Variants in GC observed in about 807,000 individuals in gnomAD.
GC encodes GC vitamin D binding protein.
In GC, 43 loss-of-function variants were observed where a neutral mutation model predicts 56.7. That is an observed-to-expected ratio of 0.76 (90% CI 0.59 to 0.98). The LOEUF is 0.98. GC is among the 50% of genes least tolerant of loss of function. The probability of loss-of-function intolerance (pLI) is 0.00; values close to 1 mark genes in which losing one functional copy is unlikely to be tolerated. For missense variants in GC, 529 were observed against 545.9 expected (o/e 0.97, Z 0.31); for synonymous variants, 216 against 202.7 (o/e 1.07, Z -0.56).
intron 1 of GC, among the ~76,000 whole-genome samples, chr4:71,803,774 G>C (rs59662561): frequency 0.12 from 18,348 of 152,182 alleles, 1,554 homozygotes; most frequent in African/African-American, 0.24. Context: ...TGACAATCGA[G>C]AAATCACTTT....
At chr4:71,792,100 A>G (rs938867397) in intron 1 of GC, among the ~76,000 whole-genome samples, 3 of 152,150 alleles carry the variant, frequency 2.0e-5, no homozygotes, top group Non-Finnish European at 2.9e-5. Context: ...AGTCTTTGCT[A>G]TTGTGAATAG....
intron 7 of GC, among the ~76,000 whole-genome samples, chr4:71,757,461 AAT>A (rs1194141721): frequency 6.6e-6 from 1 of 151,636 alleles, no homozygotes; most frequent in Non-Finnish European, 1.5e-5. Context: ...TTCAAATTTA[AAT>A]AGTTTTAAAG....
chr4:71,796,477 G>A (rs147451846), intron 1 of GC, among the ~76,000 whole-genome samples: 19 of 152,178 alleles, frequency 1.2e-4, no homozygotes, highest in South Asian at 4.2e-4. Context: ...TTGTAGATGC[G>A]TCACAAAGTT....
intron 8 of GC, 81 bp downstream of exon 8, chr4:71,756,631 C>A: frequency 5.9e-6 from 5 of 847,472 alleles, no homozygotes; most frequent in African/African-American, 1.7e-5. Flanking sequence ...GATAGCATAC[C>A]TTCCCTCCAT....
rs559235182 is a variant in GC at position 71,793,517 on chromosome 4, CTT to C, written c.22-9465_22-9464del. On this transcript the variant is annotated intron_variant, in intron 1 of 13. Transcript: ENST00000504199. ...TATACATTGATTTTGTATCCTGAGA[CTT>C]TGCTGAAATTGCTTATCAGCTTCAG... is the stretch of plus-strand genomic sequence containing the variant. Among the ~76,000 whole-genome samples the C allele has an allele frequency of 2.5e-3, 386 of 152,316 alleles. 1 individual carries two copies. The highest frequency in any genetic ancestry group is 8.9e-3 in the African/African-American group (370 of 41,576).
At chr4:71,769,244 A>G in intron 2 of GC, 87 bp downstream of exon 2, 1 of 951,020 alleles carries the variant, frequency 1.1e-6, no homozygotes, top group Non-Finnish European at 1.7e-6. Flanking sequence ...ATTAAGGATT[A>G]ACCTCCATGC....
upstream of GC, chr4:71,784,389 G>A (rs975398105): frequency 4.3e-6 from 4 of 923,234 alleles, no homozygotes; most frequent in African/African-American, 5.3e-5. Flanking sequence ...TTCTCCCCCT[G>A]TATAGGGCTG....
In GC at chr4:71,758,109, G is replaced by A. The variant is rs1175015996; in HGVS notation, c.764C>T (p.Ala255Val). ...GGAGAGGATGTTAGTAATATCTTCA[G>A]CTAGTGGCAAAACATCCTCCAGATC... ...TADLEDVLPL[A>V]EDITNILSKC... The change falls in exon 7 of 13, where the codon GCT (alanine) becomes GTT (valine). Residue 255 changes from alanine to valine, a missense_variant. Coordinates refer to ENST00000273951, the MANE Select transcript of GC (RefSeq NM_000583.4). 6 of 1,612,886 alleles carry A rather than the reference G, an allele frequency of 3.7e-6. No individual in the cohort carries two copies. The Admixed American group carries it at 8.3e-5, about 22-fold the overall frequency.
At chr4:71,764,475 T>G (rs1742094905) in intron 4 of GC, among the ~76,000 whole-genome samples, 1 of 152,160 alleles carries the variant, frequency 6.6e-6, no homozygotes, top group Non-Finnish European at 1.5e-5. Context: ...GAGGGGCCAT[T>G]TGTCCCTTTA....
chr4:71,779,535 G>A (rs1215259298), intron 1 of GC, among the ~76,000 whole-genome samples: 1 of 151,720 alleles, frequency 6.6e-6, no homozygotes, highest in East Asian at 1.9e-4. Flanking sequence ...GGCCAGTGTG[G>A]TCAGATCAGA....
chr4:71,754,386 G>A (rs1289121462), intron 10 of GC, 25 bp downstream of exon 10: 3 of 1,031,454 alleles, frequency 2.9e-6, no homozygotes, highest in Non-Finnish European at 4.5e-6. Context: ...AAATTTGGAG[G>A]ATACAGCCAG....
chr4:71,754,908 T>G, intron 9 of GC, 70 bp downstream of exon 9: 1 of 1,064,630 alleles, frequency 9.4e-7, no homozygotes, highest in Non-Finnish European at 1.3e-6. Context: ...GTGAGCAAGT[T>G]TTGGCCCATG....
At chr4:71,796,613 T>C (rs1468891748) in intron 1 of GC, among the ~76,000 whole-genome samples, 1 of 152,200 alleles carries the variant, frequency 6.6e-6, no homozygotes, top group Admixed American at 6.5e-5. Flanking sequence ...TAGAACATGC[T>C]CCTTTAGTTT....
chr4:71,797,376 C>T (rs964816052), intron 1 of GC, among the ~76,000 whole-genome samples: 1 of 152,208 alleles, frequency 6.6e-6, no homozygotes, highest in Non-Finnish European at 1.5e-5. Context: ...CTTTGTTTAC[C>T]TACTCAAGCC....
chr4:71,793,946 G>A (rs1272643931), intron 1 of GC, among the ~76,000 whole-genome samples: 6 of 152,148 alleles, frequency 3.9e-5, no homozygotes, highest in African/African-American at 1.4e-4. Flanking sequence ...CTATTTATGC[G>A]ATGGATTACG....
In GC at chr4:71,783,971, A is replaced by C. The variant is rs1482038535; in HGVS notation, c.48T>G (p.Ala16=). 1 of 1,601,610 alleles carries C rather than the reference A, an allele frequency of 6.2e-7. No homozygotes were observed. The highest frequency in any genetic ancestry group is 1.1e-5 in the South Asian group (1 of 88,930). Residue 16 remains alanine, a synonymous_variant, in exon 1 of 13, where the codon GCT becomes GCG. Transcript: ENST00000273951. ...VLLLAVAFGH[A]LERGRDYEKN... is the part of the protein sequence containing the mutation. ...CAAAAGAAATCTTACCTCTCTCTAAAGCATGTCCAAATGCCACAGCAAGCA... is the reference window on the plus strand; with the variant it reads ...CAAAAGAAATCTTACCTCTCTCTAACGCATGTCCAAATGCCACAGCAAGCA...
intron 1 of GC, among the ~76,000 whole-genome samples, chr4:71,779,376 C>T (rs530652784): frequency 3.6e-4 from 54 of 151,770 alleles, no homozygotes; most frequent in African/African-American, 1.3e-3. Flanking sequence ...GCTAGGGAAG[C>T]CCCCTCTATA....
chr4:71,742,332 C>A (rs1310063956), intron 12 of GC, among the ~76,000 whole-genome samples: 1 of 152,110 alleles, frequency 6.6e-6, no homozygotes, highest in African/African-American at 2.4e-5. Flanking sequence ...AGGGCCAATT[C>A]GTCTCCCTTA....
intron 6 of GC, among the ~76,000 whole-genome samples, chr4:71,762,977 C>T (rs1423476670): frequency 6.6e-6 from 1 of 152,180 alleles, no homozygotes; most frequent in African/African-American, 2.4e-5. Context: ...GAGATATATA[C>T]TGTATAGCAC....
Sources: allele counts gnomAD v4.1 joint callset (sites outside exome capture counted in the v4.1 genomes callset), GRCh38; gene constraint gnomAD v4.1.1; transcripts MANE v1.5; gene names NCBI Gene and HGNC (gene_info 2026-07-23, HGNC 2026-07-21).